GAPVD1: variants seen among roughly 807,000 people sequenced by gnomAD.
GAPVD1 encodes GTPase-activating protein and VPS9 domain-containing protein 1.
In GAPVD1, 35 loss-of-function variants were observed where a neutral mutation model predicts 155.5. That is an observed-to-expected ratio of 0.23 (90% confidence interval 0.17 to 0.30). The LOEUF (loss-of-function observed/expected upper bound fraction) is 0.30. Ranked by LOEUF, GAPVD1 falls within the 10% of genes least tolerant of loss-of-function variation. GAPVD1 has a pLI of 1.00. For missense variants in GAPVD1, 1,429 were observed against 1,775.7 expected (o/e 0.80, Z 3.51); for synonymous variants, 636 against 619.7 (o/e 1.03, Z -0.39).
intron 2 of GAPVD1, among the ~76,000 whole-genome samples, chr9:125,284,752 C>T (rs1438488920): frequency 1.2e-4 from 19 of 152,156 alleles, no homozygotes; most frequent in Middle Eastern, 3.2e-3. Flanking sequence ...CCCTACTCTC[C>T]TAAGCTATAT....
Position 125,291,899 on chromosome 9 carries a change from T to C in GAPVD1, c.-149-3559T>C, listed in dbSNP as rs573208308. Among the ~76,000 whole-genome samples, 137 of 152,132 alleles carry C rather than the reference T, an allele frequency of 9.0e-4. 1 individual carries two copies. Among genetic ancestry groups the C allele is most frequent in the Non-Finnish European group, 3.8e-4 (26 of 67,974 alleles). ...TTCCAGGAGCCACTGTGAAAAGGAT[T>C]GAAGAGGTAAGGAGGAGCAGGAGGT... On this transcript the variant is annotated intron_variant, in intron 2 of 27. Transcript: ENST00000297933.
chr9:125,282,107 C>T (rs1273289422), intron 2 of GAPVD1, among the ~76,000 whole-genome samples: 3 of 152,058 alleles, frequency 2.0e-5, no homozygotes, highest in Non-Finnish European at 4.4e-5. Context: ...GGTGAAACCC[C>T]GTCTCTACCA....
chr9:125,263,821 C>T (rs536859147), intron 1 of GAPVD1: 8 of 1,105,348 alleles, frequency 7.2e-6, no homozygotes, highest in East Asian at 2.3e-5. Flanking sequence ...ACAGCTATGG[C>T]GTAGGGTAGC....
At chr9:125,349,213 G>C (rs183064222) in intron 20 of GAPVD1, among the ~76,000 whole-genome samples, 177 bp from the exon 21 acceptor site, 1 of 152,074 alleles carries the variant, frequency 6.6e-6, no homozygotes, top group African/African-American at 2.4e-5. Context: ...ATACATAATT[G>C]TTGCTATTGA....
Position 125,301,465 on chromosome 9 carries a change from T to C in GAPVD1, c.186-518T>C, listed in dbSNP as rs574243296. On this transcript the variant is annotated intron_variant, in intron 4 of 27. Coordinates refer to ENST00000297933, the MANE Select transcript of GAPVD1 (RefSeq NM_001282680.3). ...TTCTTTCTTTCTTTCTTTTTTTTTTTCCAGACAGAGTCTTGCTTTGTTGGC... is the reference window on the plus strand; with the variant it reads ...TTCTTTCTTTCTTTCTTTTTTTTTTCCCAGACAGAGTCTTGCTTTGTTGGC... Among the ~76,000 whole-genome samples the C allele has an allele frequency of 3.3e-3, 507 of 152,042 alleles. 10 individuals are homozygous for C. The highest frequency in any genetic ancestry group is 1.5e-3 in the East Asian group (8 of 5,182).
At chr9:125,266,152 G>A (rs1833918784) in intron 1 of GAPVD1, among the ~76,000 whole-genome samples, 1 of 148,174 alleles carries the variant, frequency 6.7e-6, no homozygotes, top group South Asian at 2.1e-4. Context: ...TTGAGGTGGA[G>A]TTTTGCTCTT....
intron 2 of GAPVD1, among the ~76,000 whole-genome samples, chr9:125,291,346 G>A (rs1379541100): frequency 6.6e-6 from 1 of 152,158 alleles, no homozygotes; most frequent in Non-Finnish European, 1.5e-5. Flanking sequence ...AGCTACATGT[G>A]TGGATGAGGC....
chr9:125,283,569 A>G (rs866980540), intron 2 of GAPVD1, among the ~76,000 whole-genome samples: 5 of 151,786 alleles, frequency 3.3e-5, no homozygotes, highest in Non-Finnish European at 7.4e-5. Context: ...CCCTGTATTG[A>G]CCAGGCTGGT....
intron 18 of GAPVD1, chr9:125,341,905 A>T (rs959091373): frequency 1.6e-5 from 3 of 188,080 alleles, no homozygotes; most frequent in South Asian, 1.3e-4. Flanking sequence ...CAAGCGCTTG[A>T]TGAGGAGGAG....
At chr9:125,263,492 T>G (rs1162438772) in intron 1 of GAPVD1, 3 of 705,430 alleles carry the variant, frequency 4.3e-6, no homozygotes, top group Admixed American at 2.4e-5. Flanking sequence ...AGAAATAAGG[T>G]TTTTTGGATT....
chr9:125,298,339 G>A (rs1056262623), intron 3 of GAPVD1, among the ~76,000 whole-genome samples: 5 of 152,106 alleles, frequency 3.3e-5, no homozygotes, highest in African/African-American at 9.7e-5. Flanking sequence ...GTCTCTAAGC[G>A]GTGGCCTTAG....
chr9:125,293,903 T>TATA (rs1839391067), intron 2 of GAPVD1, among the ~76,000 whole-genome samples: 3 of 111,964 alleles, frequency 2.7e-5, no homozygotes, highest in Non-Finnish European at 5.5e-5. Flanking sequence ...TATATATATA[T>TATA]AAGTTTTTGT....
At chr9:125,321,382 T>G (rs776229862) in intron 9 of GAPVD1, 51 bp from the exon 10 acceptor site, 1 of 1,391,226 alleles carries the variant, frequency 7.2e-7, no homozygotes, top group South Asian at 1.2e-5. Context: ...GTTTGTTTCC[T>G]TATCAGTAAT....
At chr9:125,273,475 A>C (rs1030557560) in intron 2 of GAPVD1, among the ~76,000 whole-genome samples, 10 of 151,658 alleles carry the variant, frequency 6.6e-5, no homozygotes, top group African/African-American at 2.4e-4. Flanking sequence ...CTTGGTGCCA[A>C]ATTTTTATTG....
In GAPVD1 at chr9:125,329,823, C is replaced by T. The variant is rs118127832; in HGVS notation, c.2033-255C>T. Among the ~76,000 whole-genome samples, 1,290 of 151,842 alleles carry T rather than the reference C, an allele frequency of 8.5e-3. 44 individuals are homozygous for T. The East Asian group carries it at 0.11, about 13-fold the overall frequency. On this transcript the variant is annotated intron_variant, in intron 12 of 27. Transcript: ENST00000297933. ...CAGCTTCCCAAGTAGCTGAGACTAC[C>T]GGTGCACGCCACCATACCTGGCTAA... is the stretch of plus-strand genomic sequence containing the variant.
chr9:125,294,669 T>TTC (rs397814075), intron 2 of GAPVD1, among the ~76,000 whole-genome samples: 5 of 150,450 alleles, frequency 3.3e-5, no homozygotes, highest in African/African-American at 4.9e-5. Context: ...TTTTTTTTTT[T>TTC]CAAACTTTCC....
intron 23 of GAPVD1, among the ~76,000 whole-genome samples, chr9:125,353,110 GAA>G (rs1043914029): frequency 7.2e-6 from 1 of 139,732 alleles, no homozygotes. Context: ...TCTGTCTCAA[GAA>G]AAAAAAAAAA....
chr9:125,300,530 G>T (rs1232613482), intron 4 of GAPVD1, among the ~76,000 whole-genome samples: 2 of 152,020 alleles, frequency 1.3e-5, no homozygotes, highest in Non-Finnish European at 2.9e-5. Context: ...ATATAAGCCA[G>T]ATGCAAAAGA....
chr9:125,318,857 T>C (rs1843841189), intron 9 of GAPVD1, among the ~76,000 whole-genome samples: 1 of 151,888 alleles, frequency 6.6e-6, no homozygotes, highest in Non-Finnish European at 1.5e-5. Flanking sequence ...AAGACCAGCC[T>C]GGGCAACTTG....
Sources: gnomAD v4.1 joint callset for allele counts (sites outside exome capture counted in the v4.1 genomes callset) on GRCh38, gnomAD v4.1.1 for gene constraint, MANE v1.5 for transcripts, NCBI Gene and HGNC (gene_info 2026-07-23, HGNC 2026-07-21) for gene names.